LRRTM4: variants seen among roughly 807,000 people sequenced by gnomAD.
LRRTM4 encodes leucine rich repeat transmembrane neuronal 4.
Under a neutral mutation model 47.6 loss-of-function variants are expected in LRRTM4, and 25 were observed. That is an observed-to-expected ratio of 0.53 (90% CI 0.38 to 0.73). The LOEUF is 0.73. LRRTM4 is among the 30% of genes least tolerant of loss of function. The probability of loss-of-function intolerance (pLI) is 0.00; values close to 1 mark genes in which losing one functional copy is unlikely to be tolerated. For missense variants in LRRTM4, 638 were observed against 713.4 expected (o/e 0.89, Z 1.20); for synonymous variants, 311 against 269.5 (o/e 1.15, Z -1.51).
At chr2:77,155,192 A>G (rs953806679) in intron 3 of LRRTM4, among the ~76,000 whole-genome samples, 23 of 152,104 alleles carry the variant, frequency 1.5e-4, no homozygotes, top group African/African-American at 5.1e-4. Context: ...AAAAGCCTGC[A>G]TATAAATATT....
intron 3 of LRRTM4, among the ~76,000 whole-genome samples, chr2:77,449,881 C>T (rs568524025): frequency 6.6e-6 from 1 of 152,268 alleles, no homozygotes; most frequent in South Asian, 2.1e-4. Context: ...TAATGAATTC[C>T]ACTCCTACCT....
At chr2:77,093,041 T>C (rs565847079) in intron 3 of LRRTM4, among the ~76,000 whole-genome samples, 1 of 145,584 alleles carries the variant, frequency 6.9e-6, no homozygotes, top group Non-Finnish European at 1.5e-5. Flanking sequence ...CTCCTTTTAT[T>C]AGGCCCCAGT....
chr2:76,966,360 A>G (rs1402090391), intron 3 of LRRTM4, among the ~76,000 whole-genome samples: 1 of 151,408 alleles, frequency 6.6e-6, no homozygotes, highest in Non-Finnish European at 1.5e-5. Flanking sequence ...AGAGACAGCA[A>G]GAAGGGGGTT....
intron 3 of LRRTM4, among the ~76,000 whole-genome samples, chr2:76,933,413 T>G (rs139304687): frequency 6.6e-6 from 1 of 151,492 alleles, no homozygotes; most frequent in African/African-American, 2.4e-5. Context: ...AGAGGTATAT[T>G]TTTTTTTAGC....
chr2:77,179,563 G>A (rs977742319), intron 3 of LRRTM4, among the ~76,000 whole-genome samples: 1 of 152,110 alleles, frequency 6.6e-6, no homozygotes, highest in African/African-American at 2.4e-5. Flanking sequence ...GTGTGGATGA[G>A]AGTAAGTCAC....
Position 77,008,626 on chromosome 2 carries a change from C to G in LRRTM4, c.1552-259710G>C, listed in dbSNP as rs1324148266. 2.0e-5 allele frequency among the ~76,000 whole-genome samples: 3 copies of G among 152,182 alleles called. No homozygotes were observed. The East Asian group carries it at 5.8e-4, about 29-fold the overall frequency. On this transcript the variant is annotated intron_variant, in intron 3 of 3. Transcript: ENST00000409884. ...TGTATAATTGAATAACATCTGGATACCAGACTATACTCTTGTCTTTCTTGT... is the reference window on the plus strand; with the variant it reads ...TGTATAATTGAATAACATCTGGATAGCAGACTATACTCTTGTCTTTCTTGT...
chr2:76,981,124 T>A (rs1162601883), intron 3 of LRRTM4, among the ~76,000 whole-genome samples: 1 of 152,144 alleles, frequency 6.6e-6, no homozygotes, highest in African/African-American at 2.4e-5. Flanking sequence ...TAATCATTTA[T>A]CTTGTTGTTA....
chr2:76,801,977 G>T (rs953222592), intron 3 of LRRTM4, among the ~76,000 whole-genome samples: 1 of 152,092 alleles, frequency 6.6e-6, no homozygotes, highest in Non-Finnish European at 1.5e-5. Flanking sequence ...TACCTAAACA[G>T]AATAAAGGCA....
intron 3 of LRRTM4, among the ~76,000 whole-genome samples, chr2:77,371,690 T>G (rs541708066): frequency 1.3e-5 from 2 of 151,812 alleles, no homozygotes; most frequent in South Asian, 4.1e-4. Context: ...CTACACTAAT[T>G]AACCTTATTT....
At chr2:77,001,686 T>C (rs1677435619) in intron 3 of LRRTM4, among the ~76,000 whole-genome samples, 1 of 152,102 alleles carries the variant, frequency 6.6e-6, no homozygotes, top group Non-Finnish European at 1.5e-5. Context: ...ATGTAAGGTA[T>C]TCCAAAAATT....
intron 3 of LRRTM4, among the ~76,000 whole-genome samples, chr2:77,483,462 T>G (rs1344922133): frequency 2.6e-5 from 4 of 152,080 alleles, no homozygotes; most frequent in Admixed American, 2.0e-4. Context: ...TGCCTCAGCC[T>G]CCCAAGTAGC....
At chr2:77,517,893 C>T in intron 3 of LRRTM4, 6 of 988,480 alleles carry the variant, frequency 6.1e-6, no homozygotes, top group Non-Finnish European at 7.2e-6. Flanking sequence ...TCTTCATTAC[C>T]TTCTGGAATT....
chr2:76,843,910 T>A (rs937038498), intron 3 of LRRTM4, among the ~76,000 whole-genome samples: 5 of 109,876 alleles, frequency 4.6e-5, no homozygotes, highest in African/African-American at 2.0e-4. Flanking sequence ...TCTTTTTTCA[T>A]TTTTTTTTTT....
chr2:77,476,964 A>ATGTGTGTGTGTGTGTG (rs59247356), intron 3 of LRRTM4, among the ~76,000 whole-genome samples: 2 of 143,896 alleles, frequency 1.4e-5, no homozygotes, highest in East Asian at 4.1e-4. Context: ...TTTGTAAGAG[A>ATGTGTGTGTGTGTGTG]TGTGTGTGTG....
At chr2:77,005,771 T>C (rs925280986) in intron 3 of LRRTM4, among the ~76,000 whole-genome samples, 3 of 152,200 alleles carry the variant, frequency 2.0e-5, no homozygotes, top group Admixed American at 1.3e-4. Flanking sequence ...CATGTGGAAC[T>C]GTGAGTCAAA....
intron 3 of LRRTM4, among the ~76,000 whole-genome samples, chr2:77,079,326 A>G (rs917873513): frequency 4.6e-5 from 7 of 152,304 alleles, no homozygotes; most frequent in Admixed American, 4.6e-4. Context: ...AATATGAACC[A>G]GTGGCTATTT....
chr2:77,434,824 C>T (rs946255154), intron 3 of LRRTM4, among the ~76,000 whole-genome samples: 9 of 152,106 alleles, frequency 5.9e-5, no homozygotes, highest in Non-Finnish European at 1.0e-4. Flanking sequence ...TATATTCACA[C>T]CAATTATCCT....
chr2:77,185,874 T>C (rs1353585457), intron 3 of LRRTM4, among the ~76,000 whole-genome samples: 3 of 152,120 alleles, frequency 2.0e-5, no homozygotes, highest in Non-Finnish European at 2.9e-5. Flanking sequence ...TAAAACTCTT[T>C]AACTTCAGTG....
At chr2:76,758,803 G>T (rs1473111985) in intron 3 of LRRTM4, among the ~76,000 whole-genome samples, 1 of 152,050 alleles carries the variant, frequency 6.6e-6, no homozygotes, top group Non-Finnish European at 1.5e-5. Flanking sequence ...CACAGAGGTT[G>T]GCAAACGTTT....
Sources: gnomAD v4.1 joint callset for allele counts (sites outside exome capture counted in the v4.1 genomes callset) on GRCh38, gnomAD v4.1.1 for gene constraint, MANE v1.5 for transcripts, NCBI Gene and HGNC (gene_info 2026-07-23, HGNC 2026-07-21) for gene names.